The following FAM184B variants were observed in gnomAD, a reference collection of about 807,000 sequenced individuals.
FAM184B encodes the protein family with sequence similarity 184 member B, also known as protein FAM184B.
Under a neutral mutation model 135.9 loss-of-function variants are expected in FAM184B, and 111 were observed. That is an observed-to-expected ratio of 0.82 (90% CI 0.70 to 0.96). FAM184B has a LOEUF of 0.96. Ranked by LOEUF, FAM184B falls within the 40% of genes least tolerant of loss-of-function variation. FAM184B has a pLI of 0.00. For synonymous variants in FAM184B, 552 were observed against 524.8 expected (o/e 1.05, Z -0.71); for missense variants, 1,375 against 1,323.9 (o/e 1.04, Z -0.60).
intron 7 of FAM184B, among the ~76,000 whole-genome samples, chr4:17,681,517 G>A (rs1716433130): frequency 6.6e-6 from 1 of 152,174 alleles, no homozygotes; most frequent in African/African-American, 2.4e-5. Context: ...CCAACCAAGG[G>A]TGCTGGCTCC....
intron 3 of FAM184B, 116 bp downstream of exon 3, chr4:17,707,533 C>G: frequency 7.4e-7 from 1 of 1,359,492 alleles, no homozygotes; most frequent in Non-Finnish European, 1.0e-6. Flanking sequence ...CAGGTCAGAT[C>G]AAGCAGCCCT....
At chr4:17,716,816 A>G (rs1248248418) in intron 1 of FAM184B, among the ~76,000 whole-genome samples, 2 of 150,936 alleles carry the variant, frequency 1.3e-5, no homozygotes, top group South Asian at 2.1e-4. Context: ...CCTTTATTTT[A>G]TTTTATTTTA....
chr4:17,705,735 G>A lies in FAM184B; in HGVS notation c.1170+17C>T. On this transcript the variant is annotated intron_variant, in intron 4 of 17. Transcript: ENST00000265018. Reference sequence around the variant, plus strand: ...TCTCTGTGCCTTCTCCATCCCCAGGGCTGGGTCAGACACTACCTGCATATC... The same window carrying A: ...TCTCTGTGCCTTCTCCATCCCCAGGACTGGGTCAGACACTACCTGCATATC... 7.7e-6 allele frequency: 12 copies of A among 1,551,330 alleles called. No homozygotes were observed. Among genetic ancestry groups the A allele is most frequent in the Non-Finnish European group, 1.0e-5 (12 of 1,146,830 alleles).
At chr4:17,682,602 G>A (rs918834582) in intron 7 of FAM184B, among the ~76,000 whole-genome samples, 17 of 152,186 alleles carry the variant, frequency 1.1e-4, no homozygotes, top group Admixed American at 5.2e-4. Flanking sequence ...AGGTCCTAGC[G>A]GTTCTCGTGC....
chr4:17,712,912 C>T (rs949289608), intron 1 of FAM184B, among the ~76,000 whole-genome samples: 2 of 152,154 alleles, frequency 1.3e-5, no homozygotes, highest in African/African-American at 4.8e-5. Context: ...AAATCATCAT[C>T]GACGGCCAGA....
chr4:17,652,827 T>C lies in FAM184B; in HGVS notation c.2191+3A>G, dbSNP rs375363914. On this transcript the variant is annotated splice_donor_region_variant and intron_variant, in intron 11 of 17. Transcript: ENST00000265018. ...CCTCCTCAGTACACTATTGGGTGTATACCTAGCAGCAGGGCCTGCTGTGCC... is the reference window on the plus strand; with the variant it reads ...CCTCCTCAGTACACTATTGGGTGTACACCTAGCAGCAGGGCCTGCTGTGCC... The C allele has an allele frequency of 4.1e-4, 634 of 1,550,478 alleles. No homozygotes were observed. Among genetic ancestry groups the C allele is most frequent in the Non-Finnish European group, 5.3e-4 (610 of 1,146,674 alleles).
intron 1 of FAM184B, among the ~76,000 whole-genome samples, chr4:17,770,460 TG>T (rs1718793606): frequency 6.6e-6 from 1 of 151,760 alleles, no homozygotes; most frequent in Non-Finnish European, 1.5e-5. Context: ...TTGTTGTTGT[TG>T]TTGTTGTTGT....
intron 1 of FAM184B, among the ~76,000 whole-genome samples, chr4:17,735,105 C>G (rs181855136): frequency 2.7e-3 from 410 of 151,668 alleles, no homozygotes; most frequent in African/African-American, 9.5e-3. Flanking sequence ...ACCACATGTT[C>G]TCACTCATAG....
intron 7 of FAM184B, among the ~76,000 whole-genome samples, chr4:17,683,030 G>T (rs1716484439): frequency 6.6e-6 from 1 of 152,172 alleles, no homozygotes; most frequent in Admixed American, 6.5e-5. Flanking sequence ...TCTGCCCCTT[G>T]TACCATTCTG....
At position 17,757,863 on chromosome 4, in the gene FAM184B, C is replaced by T. The variant is rs150739525; in HGVS notation, c.141+23296G>A. ...GAAATATAGTTTCAAGCTTTCCAGT[C>T]TCTGCAGCAGTTTAGAATCAGGCTT... On this transcript the variant is annotated intron_variant, in intron 1 of 17. Transcript: ENST00000265018. Among the ~76,000 whole-genome samples, 399 of 152,256 alleles carry T rather than the reference C, an allele frequency of 2.6e-3. 3 individuals carry two copies. Among genetic ancestry groups the T allele is most frequent in the Non-Finnish European group, 3.5e-3 (241 of 68,016 alleles).
At chr4:17,683,279 A>T (rs114335919) in intron 7 of FAM184B, among the ~76,000 whole-genome samples, 2,484 of 152,328 alleles carry the variant, frequency 0.016, 78 homozygotes, top group African/African-American at 0.057. Flanking sequence ...AAGTGATGGT[A>T]TCTATTGAAG....
rs1717178166 is a variant in FAM184B at position 17,708,759 on chromosome 4, A to G, written c.894+133T>C. The G allele has an allele frequency of 6.0e-5, 40 of 663,494 alleles. No individual in the cohort carries two copies. The South Asian group carries it at 8.7e-4, about 14-fold the overall frequency. The allele number at this position is 663,494 out of a possible 1,614,324, so 41.1% of individuals were successfully genotyped here. Reference sequence around the variant, plus strand: ...GTGTGTGTGTAATGAATGTAGGTGAATTCAATGGAGATAATAGGGCTCACC... The same window carrying G: ...GTGTGTGTGTAATGAATGTAGGTGAGTTCAATGGAGATAATAGGGCTCACC... On this transcript the variant is annotated intron_variant, in intron 2 of 17. Coordinates refer to ENST00000265018, the MANE Select transcript of FAM184B (RefSeq NM_015688.2).
Position 17,652,905 on chromosome 4 carries a change from C to A in FAM184B, c.2116G>T (p.Ala706Ser). Reference protein sequence around the residue: ...QHQTHRLELQALEEKARQELQ... With the variant: ...QHQTHRLELQSLEEKARQELQ... The stretch of plus-strand genomic sequence containing the variant: ...TCTTGCCTGGCCTTTTCCTCCAAGG[C>A]CTGGAGCTCCAGTCGGTGTGTCTGG... The change falls in exon 11 of 18, where the codon GCC becomes TCC. Residue 706 changes from alanine (A) to serine (S), a missense_variant. Coordinates refer to ENST00000265018, the MANE Select transcript of FAM184B (RefSeq NM_015688.2). The A allele has an allele frequency of 6.4e-7, 1 of 1,551,766 alleles. No homozygotes were observed. The highest frequency in any genetic ancestry group is 8.7e-7 in the Non-Finnish European group (1 of 1,147,004).
chr4:17,743,366 A>G (rs941184890), intron 1 of FAM184B, among the ~76,000 whole-genome samples: 1 of 152,152 alleles, frequency 6.6e-6, no homozygotes. Context: ...GAAGACCTGG[A>G]GAGTTTTGAA....
chr4:17,773,880 C>T (rs1205108891), intron 1 of FAM184B, among the ~76,000 whole-genome samples: 1 of 152,164 alleles, frequency 6.6e-6, no homozygotes, highest in African/African-American at 2.4e-5. Context: ...CCCAGCCAAG[C>T]CTTCAGTTTG....
At chr4:17,721,349 A>C (rs1333201070) in intron 1 of FAM184B, among the ~76,000 whole-genome samples, 1 of 136,328 alleles carries the variant, frequency 7.3e-6, no homozygotes, top group African/African-American at 2.8e-5. Flanking sequence ...GCACCACTGC[A>C]CTCCAGCCTG....
intron 5 of FAM184B, among the ~76,000 whole-genome samples, chr4:17,693,625 C>CA (rs1476399253): frequency 3.3e-5 from 5 of 152,160 alleles, no homozygotes; most frequent in Non-Finnish European, 7.4e-5. Flanking sequence ...TGGGGCGGGG[C>CA]AAATTGTTGT....
rs553771153 is a variant in FAM184B, at chr4:17,687,248, T to G, written c.1596+1176A>C. On this transcript the variant is annotated intron_variant, in intron 7 of 17. Coordinates refer to ENST00000265018, the MANE Select transcript of FAM184B (RefSeq NM_015688.2). The stretch of plus-strand genomic sequence containing the variant: ...GAGACTGATGTGGTAAGATTCAGAC[T>G]GACCCATGTAGTGTTTTCCCTCCTG... Among the ~76,000 whole-genome samples, 33 of 152,314 alleles carry G rather than the reference T, an allele frequency of 2.2e-4. No individual in the cohort carries two copies. In the East Asian group the frequency reaches 6.2e-3, roughly 29 times the overall value.
intron 1 of FAM184B, among the ~76,000 whole-genome samples, chr4:17,722,686 C>T (rs1328326960): frequency 6.6e-6 from 1 of 152,168 alleles, no homozygotes; most frequent in Admixed American, 6.5e-5. Flanking sequence ...TCACACAGAA[C>T]ACAGGCCTGG....
Sources: allele counts gnomAD v4.1 joint callset (sites outside exome capture counted in the v4.1 genomes callset), GRCh38; gene constraint gnomAD v4.1.1; transcripts MANE v1.5; gene names NCBI Gene and HGNC (gene_info 2026-07-23, HGNC 2026-07-21).